Variants in DRC8 observed in about 807,000 individuals in gnomAD.
DRC8 encodes the protein dynein regulatory complex subunit 8.
the DRC8 span, among the ~76,000 whole-genome samples, chr1:245,031,421 G>A: frequency 6.6e-6 from 1 of 151,740 alleles, no homozygotes; most frequent in Non-Finnish European, 1.5e-5. Flanking sequence ...TTCTAGGCCC[G>A]GTCCATGGAA....
chr1:244,991,544 T>G, the DRC8 span, among the ~76,000 whole-genome samples: 1,144 of 152,348 alleles, frequency 7.5e-3, 13 homozygotes, highest in African/African-American at 0.026. Context: ...CTTTCTGGAT[T>G]ATTCTGATTC....
the DRC8 span, among the ~76,000 whole-genome samples, chr1:245,079,737 G>A: frequency 6.6e-6 from 1 of 152,182 alleles, no homozygotes; most frequent in Admixed American, 6.5e-5. Context: ...AAAAACCATT[G>A]CTCTTGCTTC....
the DRC8 span, among the ~76,000 whole-genome samples, chr1:244,975,144 A>C: frequency 1.3e-5 from 2 of 151,988 alleles, no homozygotes; most frequent in Admixed American, 6.6e-5. Flanking sequence ...ATTAGCCAGG[A>C]TGGTCTCGAT....
chr1:245,027,236 T>C, the DRC8 span, among the ~76,000 whole-genome samples: 1 of 146,832 alleles, frequency 6.8e-6, no homozygotes, highest in Non-Finnish European at 1.5e-5. Context: ...TTCCAAATTC[T>C]ACTTCCTGAA....
the DRC8 span, among the ~76,000 whole-genome samples, chr1:245,041,054 T>C: frequency 2.6e-5 from 4 of 152,194 alleles, no homozygotes; most frequent in South Asian, 8.3e-4. Flanking sequence ...AATTGGGGTG[T>C]GTTTAGGTGG....
the DRC8 span, chr1:245,122,654 G>C: frequency 6.6e-6 from 1 of 152,126 alleles, no homozygotes; most frequent in East Asian, 1.9e-4. Flanking sequence ...GTAGAGACAG[G>C]GTCTGGCTAT....
At chr1:245,048,611 G>T in the DRC8 span, among the ~76,000 whole-genome samples, 4 of 151,384 alleles carry the variant, frequency 2.6e-5, no homozygotes, top group Non-Finnish European at 5.9e-5. Context: ...ACTTAGATTC[G>T]CCAATCCCTC....
At chr1:245,065,450 C>G in the DRC8 span, among the ~76,000 whole-genome samples, 102 of 152,280 alleles carry the variant, frequency 6.7e-4, no homozygotes, top group East Asian at 0.017. Flanking sequence ...TTGAGTTTCT[C>G]ATTTCTGTTG....
At chr1:245,119,075 G>A in the DRC8 span, among the ~76,000 whole-genome samples, 1 of 152,168 alleles carries the variant, frequency 6.6e-6, no homozygotes, top group Admixed American at 6.5e-5. Flanking sequence ...TTATGCGAGG[G>A]TGGGAAAATT....
chr1:245,093,481 T>G, the DRC8 span, among the ~76,000 whole-genome samples: 15 of 152,042 alleles, frequency 9.9e-5, no homozygotes, highest in Middle Eastern at 3.4e-3. Context: ...AGCGGTTCAC[T>G]TAAGGTCAGG....
chr1:245,040,469 A>G, the DRC8 span, among the ~76,000 whole-genome samples: 4 of 152,202 alleles, frequency 2.6e-5, no homozygotes, highest in Admixed American at 6.5e-5. Context: ...CCAATTTCCA[A>G]TTTTGCCCCA....
chr1:245,038,913 GATAA>G, the DRC8 span, among the ~76,000 whole-genome samples: 11,866 of 151,270 alleles, frequency 0.078, 1,270 homozygotes, highest in African/African-American at 0.24. Flanking sequence ...AAAATCAAGA[GATAA>G]ATAACACCTT....
the DRC8 span, among the ~76,000 whole-genome samples, chr1:245,051,947 C>T: frequency 1.3e-5 from 2 of 151,994 alleles, no homozygotes; most frequent in Non-Finnish European, 2.9e-5. Flanking sequence ...ACAAAGTCAG[C>T]GACTGTAAAG....
the DRC8 span, among the ~76,000 whole-genome samples, chr1:244,972,236 A>G: frequency 2.2e-4 from 33 of 152,380 alleles, 1 homozygote; most frequent in South Asian, 6.2e-4. Flanking sequence ...TTCAGAATAC[A>G]TATATTCAAT....
chr1:245,066,372 G>A, the DRC8 span, among the ~76,000 whole-genome samples: 1 of 152,200 alleles, frequency 6.6e-6, no homozygotes, highest in Non-Finnish European at 1.5e-5. Context: ...TAGAAAGAGA[G>A]CATTAGTAAA....
chr1:244,983,798 A>C, the DRC8 span, among the ~76,000 whole-genome samples: 1 of 151,280 alleles, frequency 6.6e-6, no homozygotes, highest in East Asian at 1.9e-4. Context: ...CACCAACTTA[A>C]CCTAACATTA....
the DRC8 span, among the ~76,000 whole-genome samples, chr1:245,120,059 A>G: frequency 1.3e-5 from 2 of 152,270 alleles, no homozygotes; most frequent in African/African-American, 4.8e-5. Context: ...GGATGACCAT[A>G]ATCTGAAAGA....
chr1:245,078,374 G>A, the DRC8 span, among the ~76,000 whole-genome samples: 2 of 152,146 alleles, frequency 1.3e-5, no homozygotes, highest in African/African-American at 2.4e-5. Flanking sequence ...AGAGCTATCT[G>A]TATTGCCATG....
chr1:244,995,421 G>A, the DRC8 span, among the ~76,000 whole-genome samples: 1 of 151,862 alleles, frequency 6.6e-6, no homozygotes, highest in South Asian at 2.1e-4. Flanking sequence ...GCAGTGGTGC[G>A]ATCATAGCTC....
Sources: allele counts gnomAD v4.1 joint callset (sites outside exome capture counted in the v4.1 genomes callset), GRCh38; gene constraint gnomAD v4.1.1; transcripts MANE v1.5; gene names NCBI Gene and HGNC (gene_info 2026-07-23, HGNC 2026-07-21).